The following ZBTB20 variants were observed in gnomAD, a reference collection of about 807,000 sequenced individuals.
ZBTB20 encodes zinc finger and BTB domain containing 20.
Under a neutral mutation model 56.9 loss-of-function variants are expected in ZBTB20, and 9 were observed. The ratio of observed to expected loss-of-function variants is 0.16; its 90% CI spans 0.10 to 0.28. The LOEUF (loss-of-function observed/expected upper bound fraction) is 0.28, where lower values mean the gene tolerates loss of function less well. Ranked by LOEUF, ZBTB20 falls within the 10% of genes least tolerant of loss-of-function variation. The pLI is 1.00. For synonymous variants in ZBTB20, 417 were observed against 420.7 expected (o/e 0.99, Z 0.11); for missense variants, 655 against 1,003.0 (o/e 0.65, Z 4.69).
In ZBTB20 at chr3:114,314,640, A is replaced by G. The variant is rs1452550586; in HGVS notation, c.*24365T>C. On this transcript the variant is annotated 3_prime_UTR_variant, in exon 12 of 12. Transcript: ENST00000675478. ...AAAAAACAACAAAAACCCCAAAAAA[A>G]CAAACATCATTCTTAGCAACATCAA... 1.3e-5 allele frequency: 2 copies of G among 151,922 alleles called. No homozygotes were observed. Among genetic ancestry groups the G allele is most frequent in the African/African-American group, 4.8e-5 (2 of 41,402 alleles). The allele number at this position is 151,922 out of a possible 1,614,324, so 9.4% of individuals were successfully genotyped here.
chr3:115,054,223 C>G (rs183595434), intron 2 of ZBTB20, among the ~76,000 whole-genome samples: 2 of 152,198 alleles, frequency 1.3e-5, no homozygotes, highest in African/African-American at 4.8e-5. Context: ...ATCAAATGAT[C>G]TGTTTACAGG....
chr3:114,965,704 C>G (rs1265627496), intron 3 of ZBTB20, among the ~76,000 whole-genome samples: 2 of 152,056 alleles, frequency 1.3e-5, no homozygotes, highest in Non-Finnish European at 2.9e-5. Context: ...TCCATTCTGA[C>G]AGGTGTGAGG....
chr3:115,064,489 T>C (rs113300968), intron 2 of ZBTB20, among the ~76,000 whole-genome samples: 8 of 147,154 alleles, frequency 5.4e-5, no homozygotes, highest in African/African-American at 2.0e-4. Flanking sequence ...TTCGCTCTCG[T>C]TTCCCAGGCT....
intron 5 of ZBTB20, among the ~76,000 whole-genome samples, chr3:114,754,545 T>C (rs1226003736): frequency 6.6e-6 from 1 of 152,178 alleles, no homozygotes; most frequent in Non-Finnish European, 1.5e-5. Context: ...GAGTTTTACT[T>C]AAAGAGTAGA....
At chr3:114,916,437 C>T (rs760650649) in intron 3 of ZBTB20, among the ~76,000 whole-genome samples, 8 of 151,808 alleles carry the variant, frequency 5.3e-5, no homozygotes, top group Non-Finnish European at 8.8e-5. Flanking sequence ...ACGTACATAC[C>T]AGTAGTATTA....
At position 114,335,388 on chromosome 3, in the gene ZBTB20, C is replaced by T. The variant is rs1004613914; in HGVS notation, c.*3617G>A. 1 of 152,140 alleles carries T rather than the reference C, an allele frequency of 6.6e-6. No homozygotes were observed. Among genetic ancestry groups the T allele is most frequent in the Non-Finnish European group, 1.5e-5 (1 of 68,006 alleles). The allele number at this position is 152,140 out of a possible 1,614,324, so 9.4% of individuals were successfully genotyped here. A position where few individuals can be genotyped will look rare whatever the true frequency, so the allele number is the denominator to read the frequency against. On this transcript the variant is annotated 3_prime_UTR_variant, in exon 12 of 12. Transcript: ENST00000675478. ...CAAAAAAAAATTAAAAAGATCCACA[C>T]TCATTCTTTGATTTTGAAGCAAATG...
intron 7 of ZBTB20, among the ~76,000 whole-genome samples, chr3:114,441,482 G>A (rs2090920040): frequency 6.6e-6 from 1 of 152,074 alleles, no homozygotes; most frequent in Admixed American, 6.6e-5. Context: ...CCTTCATCAA[G>A]GCTGCTTCTG....
At chr3:114,857,599 T>G (rs1033756585) in intron 4 of ZBTB20, among the ~76,000 whole-genome samples, 1 of 152,100 alleles carries the variant, frequency 6.6e-6, no homozygotes, top group African/African-American at 2.4e-5. Context: ...TTACATGACA[T>G]CTCCTCCCTG....
chr3:114,749,555 AAAGAAAGAAAGAAAAGGAAGG>A (rs1202112476), intron 5 of ZBTB20, among the ~76,000 whole-genome samples: 2 of 132,570 alleles, frequency 1.5e-5, no homozygotes, highest in Non-Finnish European at 3.2e-5. Flanking sequence ...TCCATCAAAG[AAAGAAAGAAAGAAAAGGAAGG>A]AAGGAAGGAA....
intron 1 of ZBTB20, among the ~76,000 whole-genome samples, chr3:115,078,504 G>A (rs560608053): frequency 1.3e-5 from 2 of 151,746 alleles, no homozygotes; most frequent in South Asian, 4.2e-4. Context: ...GAAAATTACA[G>A]ACGATTATTT....
chr3:114,922,818 C>G (rs1461263173), intron 3 of ZBTB20, among the ~76,000 whole-genome samples: 1 of 3,080 alleles, frequency 3.2e-4, no homozygotes, highest in South Asian at 0.25. Context: ...AAAGAAATCA[C>G]TCAATACATC....
intron 3 of ZBTB20, among the ~76,000 whole-genome samples, chr3:114,940,026 G>A (rs564188453): frequency 6.8e-6 from 1 of 146,442 alleles, no homozygotes; most frequent in East Asian, 1.9e-4. Flanking sequence ...ATTCAGTATA[G>A]GTGTTTCACC....
chr3:114,976,861 T>C (rs2078123340), intron 2 of ZBTB20, among the ~76,000 whole-genome samples: 1 of 151,992 alleles, frequency 6.6e-6, no homozygotes, highest in Non-Finnish European at 1.5e-5. Flanking sequence ...AATAAACACT[T>C]AGAGAACAAA....
intron 7 of ZBTB20, among the ~76,000 whole-genome samples, chr3:114,446,215 G>A (rs1168217558): frequency 6.6e-6 from 1 of 152,036 alleles, no homozygotes; most frequent in Non-Finnish European, 1.5e-5. Context: ...ATATATAGTT[G>A]TTTATTTTCA....
intron 2 of ZBTB20, among the ~76,000 whole-genome samples, chr3:114,975,288 A>T (rs1052680365): frequency 3.3e-5 from 5 of 152,174 alleles, no homozygotes; most frequent in Admixed American, 6.5e-5. Flanking sequence ...ATGAAATCTC[A>T]ATGATGACCT....
intron 2 of ZBTB20, among the ~76,000 whole-genome samples, chr3:115,004,246 A>C (rs2079374705): frequency 6.6e-6 from 1 of 151,672 alleles, no homozygotes; most frequent in Non-Finnish European, 1.5e-5. Flanking sequence ...CTGCCTTGAA[A>C]ACATGCACAT....
chr3:114,501,402 G>T (rs2043941132), intron 6 of ZBTB20, among the ~76,000 whole-genome samples: 1 of 152,034 alleles, frequency 6.6e-6, no homozygotes. Context: ...AAGGTGGGTG[G>T]ATCACTTGAG....
intron 6 of ZBTB20, among the ~76,000 whole-genome samples, chr3:114,533,741 A>C (rs1342655550): frequency 1.3e-5 from 2 of 152,214 alleles, no homozygotes; most frequent in Non-Finnish European, 2.9e-5. Context: ...CCAGAGAGAA[A>C]GGTCAGGTTA....
At chr3:114,889,197 C>A (rs2076716246) in intron 4 of ZBTB20, among the ~76,000 whole-genome samples, 1 of 151,836 alleles carries the variant, frequency 6.6e-6, no homozygotes, top group South Asian at 2.1e-4. Flanking sequence ...CATAATTTCC[C>A]TTAAAGACTC....
Sources: gnomAD v4.1 joint callset for allele counts (sites outside exome capture counted in the v4.1 genomes callset) on GRCh38, gnomAD v4.1.1 for gene constraint, MANE v1.5 for transcripts, NCBI Gene and HGNC (gene_info 2026-07-23, HGNC 2026-07-21) for gene names.